FHIT: variants seen among roughly 807,000 people sequenced by gnomAD.
FHIT encodes the protein fragile histidine triad diadenosine triphosphatase, also known as bis(5'-adenosyl)-triphosphatase.
FHIT carries 19 observed loss-of-function variants against 17.9 expected under a neutral mutation model. The observed-to-expected ratio is 1.06, with a 90% confidence interval of 0.74 to 1.56. The LOEUF (loss-of-function observed/expected upper bound fraction) is 1.56. Ranked by LOEUF, FHIT falls within the 40% of genes most tolerant of loss-of-function variation. The probability of loss-of-function intolerance (pLI) is 0.00; values close to 1 mark genes in which losing one functional copy is unlikely to be tolerated. For synonymous variants in FHIT, 81 were observed against 69.7 expected, an observed-to-expected ratio of 1.16 and a Z score of -0.81; for missense variants, 248 against 189.2, an observed-to-expected ratio of 1.31 and a Z score of -1.82.
chr3:60,857,479 G>A (rs1435904878), intron 3 of FHIT, among the ~76,000 whole-genome samples: 2 of 152,036 alleles, frequency 1.3e-5, no homozygotes, highest in East Asian at 3.9e-4. Context: ...TCTTTAAAAT[G>A]GGGATAATGA....
At chr3:60,466,235 T>C (rs2032784807) in intron 5 of FHIT, among the ~76,000 whole-genome samples, 1 of 152,104 alleles carries the variant, frequency 6.6e-6, no homozygotes, top group African/African-American at 2.4e-5. Context: ...TTGATTTTTA[T>C]ATCTTGCAAC....
At chr3:61,008,681 C>A (rs1349031515) in intron 3 of FHIT, among the ~76,000 whole-genome samples, 2 of 151,978 alleles carry the variant, frequency 1.3e-5, no homozygotes, top group Non-Finnish European at 2.9e-5. Flanking sequence ...GTAAATCTAA[C>A]GTGGACAGCT....
intron 5 of FHIT, among the ~76,000 whole-genome samples, chr3:60,437,834 C>T (rs1035300579): frequency 1.6e-4 from 24 of 152,098 alleles, no homozygotes; most frequent in African/African-American, 5.5e-4. Flanking sequence ...AGGTGTTTGG[C>T]TGACATACTT....
intron 3 of FHIT, among the ~76,000 whole-genome samples, chr3:60,863,144 T>C (rs1250396870): frequency 1.3e-5 from 2 of 152,120 alleles, no homozygotes; most frequent in Admixed American, 6.6e-5. Flanking sequence ...AGATGAATCA[T>C]TGATGGTTCT....
chr3:60,098,870 A>G (rs1704076118), intron 5 of FHIT, among the ~76,000 whole-genome samples: 1 of 152,174 alleles, frequency 6.6e-6, no homozygotes, highest in Non-Finnish European at 1.5e-5. Context: ...TTATATGTAG[A>G]CTTTTGACTG....
At chr3:60,343,754 CACA>C (rs145449676) in intron 5 of FHIT, among the ~76,000 whole-genome samples, 1,780 of 152,244 alleles carry the variant, frequency 0.012, 37 homozygotes, top group African/African-American at 0.041. Context: ...TACATCTGTC[CACA>C]ACAAGAGATT....
intron 5 of FHIT, among the ~76,000 whole-genome samples, chr3:60,097,014 C>A (rs1373470527): frequency 7.9e-5 from 8 of 100,766 alleles, no homozygotes; most frequent in South Asian, 4.1e-4. Context: ...GACCCTATCT[C>A]TGTTATTATT....
At chr3:60,834,607 C>T (rs1296142029) in intron 3 of FHIT, among the ~76,000 whole-genome samples, 1 of 152,002 alleles carries the variant, frequency 6.6e-6, no homozygotes, top group African/African-American at 2.4e-5. Context: ...ACCTGTAATA[C>T]CAGCATTTGG....
At chr3:61,003,511 T>C (rs1356975194) in intron 3 of FHIT, among the ~76,000 whole-genome samples, 1 of 152,236 alleles carries the variant, frequency 6.6e-6, no homozygotes, top group Non-Finnish European at 1.5e-5. Flanking sequence ...ATAATGTCCA[T>C]TTAGCTACCA....
At chr3:60,222,622 C>T (rs1178166144) in intron 5 of FHIT, among the ~76,000 whole-genome samples, 1 of 152,106 alleles carries the variant, frequency 6.6e-6, no homozygotes, top group Non-Finnish European at 1.5e-5. Context: ...AACCCCGTCT[C>T]TACTAAAAAT....
intron 5 of FHIT, among the ~76,000 whole-genome samples, chr3:60,533,794 C>T (rs1286076519): frequency 6.6e-6 from 1 of 152,124 alleles, no homozygotes; most frequent in Non-Finnish European, 1.5e-5. Flanking sequence ...AAAAACTATT[C>T]TAAGGAATTT....
chr3:60,130,999 ATACATATGTG>A (rs1559661328), intron 5 of FHIT, among the ~76,000 whole-genome samples: 1 of 91,118 alleles, frequency 1.1e-5, no homozygotes, highest in Admixed American at 1.4e-4. Context: ...ATACACATAT[ATACATATGTG>A]TATATATACA....
intron 4 of FHIT, among the ~76,000 whole-genome samples, chr3:60,611,091 A>G (rs534300815): frequency 2.0e-5 from 3 of 152,206 alleles, no homozygotes; most frequent in Non-Finnish European, 4.4e-5. Context: ...CTGTGATCTC[A>G]GGCTCATTTA....
chr3:59,928,243 T>C (rs571301454), intron 7 of FHIT, among the ~76,000 whole-genome samples: 51 of 152,252 alleles, frequency 3.3e-4, no homozygotes, highest in Non-Finnish European at 6.3e-4. Context: ...ACCTAATCCC[T>C]GACCTGTGAT....
chr3:60,627,075 G>A (rs376823558), intron 4 of FHIT, among the ~76,000 whole-genome samples: 1 of 151,952 alleles, frequency 6.6e-6, no homozygotes, highest in Non-Finnish European at 1.5e-5. Context: ...TATGTTGCTG[G>A]ATCCAGTTTG....
intron 2 of FHIT, among the ~76,000 whole-genome samples, chr3:61,172,297 T>A (rs1205701049): frequency 6.6e-6 from 1 of 152,198 alleles, no homozygotes; most frequent in Non-Finnish European, 1.5e-5. Flanking sequence ...GATGCAGTGA[T>A]CTCTAATGTA....
rs1018507836 is a variant in FHIT, at chr3:60,152,988, G to C, written c.104-138836C>G. Among the ~76,000 whole-genome samples the C allele has an allele frequency of 3.9e-5, 6 of 152,128 alleles. No individual in the cohort carries two copies. The East Asian group carries it at 5.8e-4, about 15-fold the overall frequency. On this transcript the variant is annotated intron_variant, in intron 5 of 9. Transcript: ENST00000492590. ...AATCCTGGACATGCAGTGTGATGAA[G>C]AAATAAGGGCTGCTGCTTAACCAAG... is the stretch of plus-strand genomic sequence containing the variant.
At chr3:60,456,230 C>T (rs561796385) in intron 5 of FHIT, among the ~76,000 whole-genome samples, 38 of 152,216 alleles carry the variant, frequency 2.5e-4, no homozygotes, top group African/African-American at 7.7e-4. Context: ...TTTTAAAAAA[C>T]ATATATGACT....
chr3:60,469,204 T>G (rs192876138), intron 5 of FHIT, among the ~76,000 whole-genome samples: 1 of 152,182 alleles, frequency 6.6e-6, no homozygotes, highest in Non-Finnish European at 1.5e-5. Context: ...TATCTTTCTC[T>G]AGGTTTTGGA....
Sources: allele counts gnomAD v4.1 joint callset (sites outside exome capture counted in the v4.1 genomes callset), GRCh38; gene constraint gnomAD v4.1.1; transcripts MANE v1.5; gene names NCBI Gene and HGNC (gene_info 2026-07-23, HGNC 2026-07-21).